CFAP276: variants seen among roughly 807,000 people sequenced by gnomAD.
CFAP276 encodes cilia and flagella associated protein 276.
the CFAP276 span, chr1:109,112,860 C>T: frequency 3.9e-6 from 4 of 1,016,590 alleles, no homozygotes; most frequent in African/African-American, 4.9e-5. Flanking sequence ...CGGCTGACCA[C>T]GGGAGGCCCC....
At chr1:109,109,969 G>A in the CFAP276 span, among the ~76,000 whole-genome samples, 2 of 152,102 alleles carry the variant, frequency 1.3e-5, no homozygotes, top group African/African-American at 4.8e-5. Context: ...GTGGCCCTGA[G>A]CAGCACTCCT....
the CFAP276 span, among the ~76,000 whole-genome samples, chr1:109,111,122 C>T: frequency 1.3e-5 from 2 of 152,156 alleles, no homozygotes; most frequent in Non-Finnish European, 2.9e-5. Flanking sequence ...AGTCTGCTGC[C>T]ACTTGTGCTT....
chr1:109,113,218 C>T, the CFAP276 span, among the ~76,000 whole-genome samples: 9,935 of 151,856 alleles, frequency 0.065, 832 homozygotes, highest in East Asian at 0.39. Flanking sequence ...GGCGAAACCC[C>T]GTCTCTACAA....
At chr1:109,111,531 G>C in the CFAP276 span, among the ~76,000 whole-genome samples, 5 of 151,566 alleles carry the variant, frequency 3.3e-5, no homozygotes, top group Non-Finnish European at 7.4e-5. Flanking sequence ...ACCATAGCTA[G>C]CTAGCATGGT....
the CFAP276 span, chr1:109,107,239 A>G: frequency 5.4e-6 from 4 of 736,820 alleles, no homozygotes; most frequent in Non-Finnish European, 9.6e-6. Flanking sequence ...TGGGCCTGAA[A>G]TCCACCAACT....
At chr1:109,108,303 C>T in the CFAP276 span, among the ~76,000 whole-genome samples, 8 of 152,058 alleles carry the variant, frequency 5.3e-5, no homozygotes, top group Admixed American at 4.6e-4. Flanking sequence ...CCACTATGCC[C>T]GGCTAATTTT....
chr1:109,109,497 T>A, the CFAP276 span, among the ~76,000 whole-genome samples: 1 of 147,630 alleles, frequency 6.8e-6, no homozygotes. Context: ...TAATCCTCCT[T>A]CCCCACAATA....
the CFAP276 span, chr1:109,107,125 A>G: frequency 1.2e-5 from 20 of 1,613,040 alleles, no homozygotes; most frequent in Non-Finnish European, 1.7e-5. Context: ...TTTGGTATCT[A>G]CAGAAGTCAG....
At chr1:109,113,744 C>T in the CFAP276 span, 4 of 1,571,310 alleles carry the variant, frequency 2.5e-6, no homozygotes, top group East Asian at 6.7e-5. Flanking sequence ...ACCCCTGGCC[C>T]GAAAGGGCAG....
the CFAP276 span, among the ~76,000 whole-genome samples, chr1:109,110,896 C>A: frequency 6.6e-6 from 1 of 152,174 alleles, no homozygotes; most frequent in Non-Finnish European, 1.5e-5. Flanking sequence ...AGAATTAAAC[C>A]GTTAGGAACC....
the CFAP276 span, among the ~76,000 whole-genome samples, chr1:109,113,469 G>GAGA: frequency 1.9e-4 from 14 of 74,936 alleles, no homozygotes; most frequent in Middle Eastern, 6.1e-3. Context: ...AGAGAGAGAG[G>GAGA]CCCACGTGCG....
At chr1:109,111,196 A>G in the CFAP276 span, among the ~76,000 whole-genome samples, 1 of 152,172 alleles carries the variant, frequency 6.6e-6, no homozygotes, top group Admixed American at 6.5e-5. Flanking sequence ...GCTGGGACCC[A>G]TGGCTCATGC....
the CFAP276 span, among the ~76,000 whole-genome samples, chr1:109,109,357 A>G: frequency 5.9e-5 from 9 of 151,324 alleles, no homozygotes; most frequent in African/African-American, 2.2e-4. Context: ...CTGAGGAGGG[A>G]GAATCGCTTG....
chr1:109,106,403 C>T, the CFAP276 span: 1 of 1,208,530 alleles, frequency 8.3e-7, no homozygotes, highest in South Asian at 1.5e-5. Flanking sequence ...CCAACTTAAT[C>T]ATTGCTTTCC....
the CFAP276 span, among the ~76,000 whole-genome samples, chr1:109,108,495 G>C: frequency 6.6e-6 from 1 of 152,084 alleles, no homozygotes; most frequent in Non-Finnish European, 1.5e-5. Flanking sequence ...AATGGTATGG[G>C]GCAAGACTCC....
the CFAP276 span, chr1:109,106,500 T>C: frequency 1.2e-6 from 2 of 1,607,686 alleles, no homozygotes; most frequent in South Asian, 2.2e-5. Context: ...ACTCCCCCAC[T>C]GCCCCATCTG....
the CFAP276 span, chr1:109,106,173 T>A: frequency 2.4e-6 from 3 of 1,262,688 alleles, no homozygotes; most frequent in Non-Finnish European, 3.4e-6. Flanking sequence ...TAAACATCAA[T>A]ACATTTGTAG....
At chr1:109,106,941 C>T in the CFAP276 span, 1 of 1,265,666 alleles carries the variant, frequency 7.9e-7, no homozygotes, top group Admixed American at 1.9e-5. Flanking sequence ...TTCCAGGTGA[C>T]ATTTTACCTT....
At chr1:109,112,777 C>G in the CFAP276 span, 22 of 1,500,034 alleles carry the variant, frequency 1.5e-5, no homozygotes, top group South Asian at 2.7e-4. Context: ...GTTTGGAGCG[C>G]TGGTTTCGGT....
Sources: allele counts gnomAD v4.1 joint callset (sites outside exome capture counted in the v4.1 genomes callset), GRCh38; gene constraint gnomAD v4.1.1; transcripts MANE v1.5; gene names NCBI Gene and HGNC (gene_info 2026-07-23, HGNC 2026-07-21).